Variants in JAKMIP3 observed in about 807,000 individuals in gnomAD.
The protein encoded by JAKMIP3 is Janus kinase and microtubule interacting protein 3.
In JAKMIP3, 58 loss-of-function variants were observed where a neutral mutation model predicts 118.5. The ratio of observed to expected loss-of-function variants is 0.49; its 90% CI spans 0.40 to 0.61. The LOEUF is 0.61. Among genes scored for constraint, JAKMIP3 ranks in the 20% least tolerant of loss-of-function variants. The pLI is 0.00. For synonymous variants in JAKMIP3, 486 were observed against 451.2 expected (o/e 1.08, Z -0.98); for missense variants, 950 against 1,109.0 (o/e 0.86, Z 2.04).
At chr10:132,151,510 C>T (rs898958067) in intron 16 of JAKMIP3, among the ~76,000 whole-genome samples, 16 of 152,170 alleles carry the variant, frequency 1.1e-4, no homozygotes, top group African/African-American at 2.7e-4. Context: ...CATAGGTGGC[C>T]GAAGAGCCAC....
At chr10:132,177,649 T>C (rs2060284237) in intron 23 of JAKMIP3, among the ~76,000 whole-genome samples, 2 of 150,458 alleles carry the variant, frequency 1.3e-5, no homozygotes, top group South Asian at 4.2e-4. Flanking sequence ...TCCTGTGTCC[T>C]GGGTAGTGTG....
intron 1 of JAKMIP3, among the ~76,000 whole-genome samples, chr10:132,051,601 T>A (rs2038108191): frequency 6.8e-6 from 1 of 146,960 alleles, no homozygotes; most frequent in African/African-American, 2.5e-5. Flanking sequence ...TTATTTTTAC[T>A]TTTTTTTTTT....
At chr10:132,054,464 C>T (rs2133822200) in intron 1 of JAKMIP3, among the ~76,000 whole-genome samples, 1 of 152,142 alleles carries the variant, frequency 6.6e-6, no homozygotes. Flanking sequence ...ACATGGGAGG[C>T]TCTGCCAGAG....
intron 19 of JAKMIP3, among the ~76,000 whole-genome samples, chr10:132,159,075 G>A (rs1279330381): frequency 1.2e-4 from 17 of 143,950 alleles, no homozygotes; most frequent in African/African-American, 4.1e-4. Context: ...CCTGTGTGAC[G>A]CTGGGGTTGT....
In JAKMIP3 at chr10:132,180,700, T is replaced by TGC. The variant is rs1392536007; in HGVS notation, c.*1104-1656_*1104-1655insCG. ...GCGCGCGCGTGTGTGTGCGTGCGTGTGTGTGTGCGCGTGTGTGTGCGTGTG... is the reference window on the plus strand; with the variant it reads ...GCGCGCGCGTGTGTGTGCGTGCGTGTGCGTGTGTGCGCGTGTGTGTGCGTGTG... On this transcript the variant is annotated intron_variant, in intron 23 of 23. Transcript: ENST00000684848. 0.014 allele frequency among the ~76,000 whole-genome samples: 259 copies of TGC among 18,284 alleles called. 48 individuals are homozygous for TGC. The East Asian group carries it at 0.25, about 18-fold the overall frequency. The allele number at this position is 18,284 out of a possible 152,430, so 12.0% of individuals were successfully genotyped here.
intron 19 of JAKMIP3, among the ~76,000 whole-genome samples, chr10:132,160,529 C>T (rs1285767802): frequency 2.8e-4 from 3 of 10,788 alleles, no homozygotes; most frequent in African/African-American, 8.6e-4. Flanking sequence ...GCTGGGGGGG[C>T]CTCTCCCTGT....
At chr10:132,121,399 C>A (rs1478113231) in intron 3 of JAKMIP3, among the ~76,000 whole-genome samples, 1 of 152,206 alleles carries the variant, frequency 6.6e-6, no homozygotes, top group Non-Finnish European at 1.5e-5. Context: ...TGGTTCCTTA[C>A]ATCAGGCAAA....
intron 4 of JAKMIP3, 75 bp downstream of exon 4, chr10:132,133,602 T>TG (rs1176002707): frequency 2.5e-5 from 34 of 1,340,840 alleles, no homozygotes; most frequent in Non-Finnish European, 3.4e-5. Context: ...TGGCCCTGCA[T>TG]GGGCCACTCC....
At chr10:132,038,732 G>A (rs533795883) in intron 1 of JAKMIP3, among the ~76,000 whole-genome samples, 63 of 148,736 alleles carry the variant, frequency 4.2e-4, no homozygotes, top group African/African-American at 1.5e-3. Flanking sequence ...GCAAGAGGTT[G>A]CAATGAGCTG....
At position 132,087,977 on chromosome 10, in the gene JAKMIP3, G is replaced by A. The variant is rs9663571; in HGVS notation, c.-137-16695G>A. On this transcript the variant is annotated intron_variant, in intron 1 of 23. Transcript: ENST00000684848. ...GCAGTGTTTAGTTTTTTGTCCTTGT[G>A]ATAATTTGCTGAGAATGATGGTTTC... Among the ~76,000 whole-genome samples the A allele has an allele frequency of 5.6e-3, 859 of 152,136 alleles. 15 individuals are homozygous for A. Among genetic ancestry groups the A allele is most frequent in the African/African-American group, 0.02 (812 of 41,500 alleles).
intron 3 of JAKMIP3, among the ~76,000 whole-genome samples, chr10:132,124,465 C>T (rs1449302521): frequency 1.4e-5 from 2 of 147,982 alleles, no homozygotes; most frequent in African/African-American, 2.5e-5. Flanking sequence ...CGGTGGGCCG[C>T]GCCATACACG....
At chr10:132,155,556 G>T (rs1189033673) in intron 19 of JAKMIP3, among the ~76,000 whole-genome samples, 1 of 152,194 alleles carries the variant, frequency 6.6e-6, no homozygotes, top group Admixed American at 6.5e-5. Context: ...GGGGTGTAAG[G>T]CCCATGTCAG....
chr10:132,069,359 C>T (rs1183420831), intron 1 of JAKMIP3, among the ~76,000 whole-genome samples: 2 of 152,108 alleles, frequency 1.3e-5, no homozygotes, highest in Non-Finnish European at 2.9e-5. Context: ...CCCCACTGAC[C>T]TGTTTCGTGT....
At chr10:132,139,467 T>TATGTGTGAGTGTGTGTGAGA in intron 9 of JAKMIP3, among the ~76,000 whole-genome samples, 1 of 150,586 alleles carries the variant, frequency 6.6e-6, no homozygotes, top group Admixed American at 6.6e-5. Context: ...TCTGCATGTG[T>TATGTGTGAGTGTGTGTGAGA]GTATGTGTGA....
At chr10:132,164,398 C>T (rs1057192963) in intron 20 of JAKMIP3, among the ~76,000 whole-genome samples, 1 of 152,236 alleles carries the variant, frequency 6.6e-6, no homozygotes, top group Admixed American at 6.5e-5. Context: ...CTACCATTTC[C>T]CTGGCTGTCA....
chr10:132,046,696 G>A (rs181782993), intron 1 of JAKMIP3, among the ~76,000 whole-genome samples: 1 of 152,286 alleles, frequency 6.6e-6, no homozygotes, highest in East Asian at 1.9e-4. Flanking sequence ...TACCACAAAA[G>A]TTGCAAAAAC....
chr10:132,048,797 C>T (rs1187426287), intron 1 of JAKMIP3, among the ~76,000 whole-genome samples: 1 of 97,970 alleles, frequency 1.0e-5, no homozygotes, highest in Non-Finnish European at 2.2e-5. Context: ...CCACCACCCC[C>T]GACTAATTTT....
intron 1 of JAKMIP3, among the ~76,000 whole-genome samples, chr10:132,078,152 A>G (rs1404408128): frequency 6.6e-6 from 1 of 151,678 alleles, no homozygotes; most frequent in African/African-American, 2.4e-5. Flanking sequence ...TTGTTTGTAA[A>G]TTACCTCTTT....
chr10:132,074,002 A>AGTTTC (rs1554919204), intron 1 of JAKMIP3, among the ~76,000 whole-genome samples: 4 of 151,566 alleles, frequency 2.6e-5, no homozygotes, highest in African/African-American at 4.9e-5. Flanking sequence ...AGCGTACAAG[A>AGTTTC]GTTCCCTTTT....
Sources: gnomAD v4.1 joint callset for allele counts (sites outside exome capture counted in the v4.1 genomes callset) on GRCh38, gnomAD v4.1.1 for gene constraint, MANE v1.5 for transcripts, NCBI Gene and HGNC (gene_info 2026-07-23, HGNC 2026-07-21) for gene names.